Variants in ARHGEF33 observed in about 807,000 individuals in gnomAD.
ARHGEF33 encodes the protein DH and coiled-coil domain-containing protein ENSP00000381780.
In ARHGEF33, 72 loss-of-function variants were observed where a neutral mutation model predicts 101.9. That is an observed-to-expected ratio of 0.71 (90% CI 0.58 to 0.86). ARHGEF33 has a LOEUF of 0.86. Among genes scored for constraint, ARHGEF33 ranks in the 40% least tolerant of loss-of-function variants. The pLI is 0.00. For synonymous variants in ARHGEF33, 499 were observed against 442.5 expected (o/e 1.13, Z -1.60); for missense variants, 1,169 against 1,111.3 (o/e 1.05, Z -0.74).
intron 12 of ARHGEF33, among the ~76,000 whole-genome samples, chr2:38,953,619 A>G (rs572319543): frequency 6.6e-6 from 1 of 152,374 alleles, no homozygotes; most frequent in Admixed American, 6.5e-5. Context: ...GTCAGTTTAT[A>G]AGATAAGGTG....
At chr2:38,913,924 A>G (rs1428670487) in intron 2 of ARHGEF33, among the ~76,000 whole-genome samples, 1 of 152,200 alleles carries the variant, frequency 6.6e-6, no homozygotes, top group Non-Finnish European at 1.5e-5. Context: ...AAAAAGGCAG[A>G]TAACCCAAAA....
At chr2:38,935,131 T>C (rs890241261) in intron 7 of ARHGEF33, among the ~76,000 whole-genome samples, 7 of 151,974 alleles carry the variant, frequency 4.6e-5, no homozygotes, top group Non-Finnish European at 8.8e-5. Context: ...GCTTTGGCTT[T>C]TACACTGAAA....
chr2:38,894,423 G>GAAA (rs55794947), intron 1 of ARHGEF33, among the ~76,000 whole-genome samples: 4 of 147,644 alleles, frequency 2.7e-5, no homozygotes, highest in African/African-American at 7.5e-5. Flanking sequence ...TATGCTGGGG[G>GAAA]AAAAAAAAAA....
rs150907449 is a variant in ARHGEF33 at position 38,964,837 on chromosome 2, T to C, written c.2344-1169T>C. The stretch of plus-strand genomic sequence containing the variant: ...AGTGTGCGTAAGGATTACCTAGGCC[T>C]AACTGCAGAGATTCTGATTCACAAA... On this transcript the variant is annotated intron_variant, in intron 16 of 17. Transcript: ENST00000409978. 3.1e-3 allele frequency among the ~76,000 whole-genome samples: 466 copies of C among 152,264 alleles called. 2 individuals carry two copies. Among genetic ancestry groups the C allele is most frequent in the African/African-American group, 0.01 (424 of 41,536 alleles).
chr2:38,941,907 C>T (rs1390160586), intron 9 of ARHGEF33, among the ~76,000 whole-genome samples: 2 of 151,874 alleles, frequency 1.3e-5, no homozygotes, highest in African/African-American at 4.8e-5. Flanking sequence ...GTGTGCTAAA[C>T]TTTCACAGTG....
chr2:38,899,684 G>T (rs1666200325), intron 2 of ARHGEF33, among the ~76,000 whole-genome samples: 1 of 152,106 alleles, frequency 6.6e-6, no homozygotes, highest in African/African-American at 2.4e-5. Flanking sequence ...TTTCAAAATT[G>T]CTAAGGGAAT....
At chr2:38,917,152 T>C (rs1437990341) in intron 2 of ARHGEF33, among the ~76,000 whole-genome samples, 1 of 137,798 alleles carries the variant, frequency 7.3e-6, no homozygotes, top group Non-Finnish European at 1.5e-5. Context: ...AGTGTAGTGG[T>C]GTGATCTCAG....
At chr2:38,937,879 C>A (rs1451776933) in intron 9 of ARHGEF33, among the ~76,000 whole-genome samples, 6 of 152,090 alleles carry the variant, frequency 3.9e-5, no homozygotes, top group East Asian at 3.8e-4. Flanking sequence ...TAGAAACAAG[C>A]CTTTCATCAA....
intron 11 of ARHGEF33, among the ~76,000 whole-genome samples, chr2:38,952,828 A>C (rs1440592233): frequency 6.6e-6 from 1 of 151,844 alleles, no homozygotes; most frequent in Non-Finnish European, 1.5e-5. Flanking sequence ...CCTCCTGAGT[A>C]GCTGAGATTA....
At chr2:38,930,699 T>C (rs1666979562) in intron 6 of ARHGEF33, among the ~76,000 whole-genome samples, 1 of 152,182 alleles carries the variant, frequency 6.6e-6, no homozygotes, top group African/African-American at 2.4e-5. Flanking sequence ...AGGAATAATA[T>C]GTGTGTGACC....
At chr2:38,942,027 A>T (rs1165747529) in intron 9 of ARHGEF33, among the ~76,000 whole-genome samples, 3 of 149,256 alleles carry the variant, frequency 2.0e-5, no homozygotes, top group Non-Finnish European at 4.5e-5. Flanking sequence ...TTTGCCTGTT[A>T]TTAATTTGAT....
At chr2:38,927,921 T>A (rs1411026407) in intron 4 of ARHGEF33, among the ~76,000 whole-genome samples, 1 of 152,204 alleles carries the variant, frequency 6.6e-6, no homozygotes, top group Non-Finnish European at 1.5e-5. Context: ...ACTTTAGAAG[T>A]GCTCCATTTT....
At chr2:38,903,829 T>C (rs1383797568) in intron 2 of ARHGEF33, among the ~76,000 whole-genome samples, 1 of 152,224 alleles carries the variant, frequency 6.6e-6, no homozygotes. Context: ...TCTACATCCA[T>C]GATTTTTAGA....
rs1266556242 is a variant in ARHGEF33, at chr2:38,935,782, G to A, written c.513G>A (p.Glu171=). ...GCTTTCCTTTCTCTGCAGCCCAAGA[G>A]TCCAGATCTGTTCATGTAGGAGACA... is the stretch of plus-strand genomic sequence containing the variant. The part of the protein sequence containing the change: ...LPSQAYEKAQ[E]SRSVHVGDSN... The change falls in exon 8 of 18, where the codon GAG becomes GAA. Residue 171 remains glutamate (E), a synonymous_variant. Transcript: ENST00000409978. 37 of 1,551,942 alleles carry A rather than the reference G, an allele frequency of 2.4e-5. No homozygotes were observed. The highest frequency in any genetic ancestry group is 3.1e-5 in the Non-Finnish European group (36 of 1,147,012).
Position 38,960,424 on chromosome 2 carries a change from C to G in ARHGEF33, c.2119C>G (p.Arg707Gly), listed in dbSNP as rs1172732595. 1.3e-6 allele frequency: 2 copies of G among 1,515,390 alleles called. No homozygotes were observed. Among genetic ancestry groups the G allele is most frequent in the Non-Finnish European group, 1.8e-6 (2 of 1,138,240 alleles). The allele number at this position is 1,515,390 out of a possible 1,614,324, so 93.9% of individuals were successfully genotyped here. Reference protein sequence around the residue: ...QAHGKAKPLSRSLKEFPRAPP... With the variant: ...QAHGKAKPLSGSLKEFPRAPP... ...GCACGGCAAGGCCAAGCCGCTGAGC[C>G]GCTCTCTCAAAGAGTTCCCGCGTGC... is the stretch of plus-strand genomic sequence containing the variant. The change falls in exon 16 of 18, where the codon CGC (arginine) becomes GGC (glycine). Residue 707 changes from arginine (R) to glycine (G), a missense_variant. Coordinates refer to ENST00000409978, the MANE Select transcript of ARHGEF33 (RefSeq NM_001145451.5).
Position 38,960,656 on chromosome 2 carries a change from A to G in ARHGEF33, c.2343+8A>G. 7.1e-7 allele frequency: 1 copy of G among 1,402,650 alleles called. No individual in the cohort carries two copies. Among genetic ancestry groups the G allele is most frequent in the Non-Finnish European group, 9.4e-7 (1 of 1,062,952 alleles). 86.9% of individuals were successfully genotyped at this position (1,402,650 alleles called of 1,614,324 possible). On this transcript the variant is annotated splice_region_variant and intron_variant, in intron 16 of 17. Transcript: ENST00000409978. ...TATTTGGAAGTAAGGAGGGTAAAGT[A>G]AAACCGAACCGAAACCCACAGCGTC...
At chr2:38,925,548 G>C (rs1286350106) in intron 4 of ARHGEF33, among the ~76,000 whole-genome samples, 1 of 152,190 alleles carries the variant, frequency 6.6e-6, no homozygotes, top group Non-Finnish European at 1.5e-5. Flanking sequence ...CTTCTGCAGG[G>C]AATATAGAGG....
intron 12 of ARHGEF33, 31 bp from the exon 13 acceptor site, chr2:38,954,342 T>C (rs1667687434): frequency 2.2e-6 from 3 of 1,371,724 alleles, no homozygotes; most frequent in Non-Finnish European, 3.1e-6. Flanking sequence ...GGAGGAACAC[T>C]GAAGAGTAAC....
At chr2:38,925,282 T>G (rs1167976748) in intron 4 of ARHGEF33, among the ~76,000 whole-genome samples, 1 of 152,244 alleles carries the variant, frequency 6.6e-6, no homozygotes, top group Non-Finnish European at 1.5e-5. Flanking sequence ...ATAAATGATG[T>G]GCCAAAAGTG....
Sources: gnomAD v4.1 joint callset for allele counts (sites outside exome capture counted in the v4.1 genomes callset) on GRCh38, gnomAD v4.1.1 for gene constraint, MANE v1.5 for transcripts, NCBI Gene and HGNC (gene_info 2026-07-23, HGNC 2026-07-21) for gene names.